The following SEC31B variants were observed in gnomAD, a reference collection of about 807,000 sequenced individuals.
SEC31B encodes protein transport protein Sec31B.
A neutral mutation model predicts 135.0 loss-of-function variants in SEC31B; 113 were observed. The ratio of observed to expected loss-of-function variants is 0.84; its 90% CI spans 0.72 to 0.98. SEC31B has a LOEUF of 0.98. SEC31B is among the 50% of genes least tolerant of loss of function. SEC31B has a pLI of 0.00. For synonymous variants in SEC31B, 508 were observed against 549.4 expected (o/e 0.92, Z 1.05); for missense variants, 1,296 against 1,421.1 (o/e 0.91, Z 1.42).
At position 100,490,116 on chromosome 10, in the gene SEC31B, G is replaced by A. The variant is rs1357609965; in HGVS notation, c.2857C>T (p.His953Tyr). ...AAGCTTGCAGGAGGGGCTGGGGTGT[G>A]GGAGACCATGCGGCCGGGACCTAGT... ...RPLGPGRMVS[H>Y]TPAPPASFPV... The change falls in exon 21 of 26, where the codon CAC becomes TAC. Residue 953 changes from histidine (H) to tyrosine (Y), a missense_variant. By Grantham distance (83) the His-to-Tyr change is moderately conservative. Coordinates refer to ENST00000370345, the MANE Select transcript of SEC31B (RefSeq NM_015490.4). 2 of 1,588,872 alleles carry A rather than the reference G, an allele frequency of 1.3e-6. No homozygotes were observed. The highest frequency in any genetic ancestry group is 1.7e-6 in the Non-Finnish European group (2 of 1,168,594).
rs1354266428 is a variant in SEC31B, at chr10:100,498,669, A to G, written c.1684+36T>C. The G allele has an allele frequency of 5.9e-6, 9 of 1,516,776 alleles. No individual in the cohort carries two copies. In the East Asian group the frequency reaches 6.7e-5, roughly 11 times the overall value. 94.0% of individuals were successfully genotyped at this position (1,516,776 alleles called of 1,614,324 possible). ...AAACCTCCGTGCCCACCTAGTCCTA[A>G]GCAGAGACTCTCCCTCTCCCTCAGG... On this transcript the variant is annotated intron_variant, in intron 14 of 25. Coordinates refer to ENST00000370345, the MANE Select transcript of SEC31B (RefSeq NM_015490.4).
Position 100,509,499 on chromosome 10 carries a change from C to G in SEC31B, c.216G>C (p.Leu72=), listed in dbSNP as rs755701561. The change falls in exon 4 of 26, where the codon CTG becomes CTC. Residue 72 remains leucine (L), a synonymous_variant. Transcript: ENST00000370345. ...VLSALSRFHK[L]VWGSFGSGLL... ...GCCCACTGCCAAAGCTCCCCCAGACCAGCTTGTGAAACCTATAAAGAGGAG... is the reference window on the plus strand; with the variant it reads ...GCCCACTGCCAAAGCTCCCCCAGACGAGCTTGTGAAACCTATAAAGAGGAG... The G allele has an allele frequency of 1.9e-6, 3 of 1,612,144 alleles. No homozygotes were observed. Among genetic ancestry groups the G allele is most frequent in the South Asian group, 1.1e-5 (1 of 90,974 alleles).
intron 1 of SEC31B, among the ~76,000 whole-genome samples, chr10:100,517,289 AC>A (rs1851868404): frequency 1.3e-5 from 2 of 152,330 alleles, no homozygotes; most frequent in South Asian, 4.1e-4. Flanking sequence ...TTTAAATAGC[AC>A]CCATATGCTG....
At chr10:100,505,301 C>A (rs1323257826) in intron 10 of SEC31B, 60 bp downstream of exon 10, 2 of 232,382 alleles carry the variant, frequency 8.6e-6, no homozygotes, top group South Asian at 1.1e-4. Flanking sequence ...GCTTCACAAA[C>A]ACACACACAC....
chr10:100,503,741 CTTTT>C (rs536397983), intron 10 of SEC31B, among the ~76,000 whole-genome samples: 1 of 145,342 alleles, frequency 6.9e-6, no homozygotes, highest in Admixed American at 6.9e-5. Context: ...TGGCCGACAA[CTTTT>C]TTTTTTTTTT....
At chr10:100,510,080 T>C (rs1851712000) in intron 3 of SEC31B, among the ~76,000 whole-genome samples, 1 of 152,260 alleles carries the variant, frequency 6.6e-6, no homozygotes, top group African/African-American at 2.4e-5. Flanking sequence ...TTAGGATAAA[T>C]GCTAGGAAGT....
Position 100,487,324 on chromosome 10 carries a change from A to C in SEC31B, c.*292T>G. ...TTAAATAGAAGATCCCTGGGGGAGA[A>C]GATATCCTGCCCCAGGTCCTTACAG... On this transcript the variant is annotated 3_prime_UTR_variant, in exon 26 of 26. Coordinates refer to ENST00000370345, the MANE Select transcript of SEC31B (RefSeq NM_015490.4). 2.7e-6 allele frequency: 1 copy of C among 367,160 alleles called. No homozygotes were observed. The highest frequency in any genetic ancestry group is 5.0e-6 in the Non-Finnish European group (1 of 200,654). 22.7% of individuals were successfully genotyped at this position (367,160 alleles called of 1,614,324 possible).
intron 3 of SEC31B, among the ~76,000 whole-genome samples, chr10:100,513,572 C>T (rs1021137011): frequency 6.6e-5 from 10 of 151,988 alleles, no homozygotes; most frequent in Non-Finnish European, 1.3e-4. Flanking sequence ...CACGTGCAAG[C>T]GATTCTGGTG....
At chr10:100,517,059 C>G in intron 1 of SEC31B, 62 bp from the exon 2 acceptor site, 1 of 782,536 alleles carries the variant, frequency 1.3e-6, no homozygotes, top group Non-Finnish European at 2.2e-6. Flanking sequence ...GACAAGAGTT[C>G]TTGTTTGTCT....
Position 100,516,113 on chromosome 10 carries a change from G to A in SEC31B, c.186C>T (p.Val62=). 1 of 1,614,022 alleles carries A rather than the reference G, an allele frequency of 6.2e-7. No individual in the cohort carries two copies. Among genetic ancestry groups the A allele is most frequent in the African/African-American group, 1.3e-5 (1 of 75,008 alleles). Residue 62 remains valine (V), a synonymous_variant, in exon 3 of 26, where the codon GTC becomes GTT. Coordinates refer to ENST00000370345, the MANE Select transcript of SEC31B (RefSeq NM_015490.4). ...DPSLDLKHRG[V]LSALSRFHKL... The stretch of plus-strand genomic sequence containing the variant: ...GACAATACCTGCTCAAGGCAGAAAG[G>A]ACTCCTCTGTGTTTCAAGTCCAGAG...
At chr10:100,515,700 T>C (rs1851822668) in intron 3 of SEC31B, among the ~76,000 whole-genome samples, 1 of 152,192 alleles carries the variant, frequency 6.6e-6, no homozygotes, top group Non-Finnish European at 1.5e-5. Flanking sequence ...AACCAATCAG[T>C]GTCTAAAAGC....
At position 100,509,572 on chromosome 10, in the gene SEC31B, G is replaced by A. The variant is rs570434458; in HGVS notation, c.204-61C>T. 1.8e-5 allele frequency: 24 copies of A among 1,354,096 alleles called. No individual in the cohort carries two copies. In the African/African-American group the frequency reaches 3.2e-4, roughly 18 times the overall value. The allele number at this position is 1,354,096 out of a possible 1,614,324, so 83.9% of individuals were successfully genotyped here. The stretch of plus-strand genomic sequence containing the variant: ...AGGTTCATGTCAGTAAGCACAGGAT[G>A]GGCATCTCTGTCAGCTTCTGCCATT... On this transcript the variant is annotated intron_variant, in intron 3 of 25. Transcript: ENST00000370345.
chr10:100,489,843 T>C (rs1851265863), intron 21 of SEC31B, 82 bp from the exon 22 acceptor site: 1 of 1,600,956 alleles, frequency 6.2e-7, no homozygotes, highest in South Asian at 1.1e-5. Context: ...GAAGCATTCT[T>C]TGAGTTGGAG....
intron 10 of SEC31B, among the ~76,000 whole-genome samples, chr10:100,504,291 G>C (rs138936186): frequency 1.6e-3 from 246 of 152,266 alleles, no homozygotes; most frequent in African/African-American, 5.4e-3. Flanking sequence ...TGCCTCCCCA[G>C]TAAAACCGTT....
Position 100,505,483 on chromosome 10 carries a change from A to G in SEC31B, c.1057T>C (p.Phe353Leu). 6.5e-7 allele frequency: 1 copy of G among 1,547,588 alleles called. No individual in the cohort carries two copies. The stretch of plus-strand genomic sequence containing the variant: ...GGTGGGAGAGGCTGGCCTTTGCTGA[A>G]GGAAGAGGAGATCTGGGGGGAAAAG... ...MRQADKISSS[F>L]SKGQPLPPLQ... The change falls in exon 10 of 26, where the codon TTC (phenylalanine) becomes CTC (leucine). Residue 353 changes from phenylalanine (F) to leucine (L), a missense_variant. Transcript: ENST00000370345.
chr10:100,500,072 G>A, intron 11 of SEC31B: 1 of 456,830 alleles, frequency 2.2e-6, no homozygotes, highest in Non-Finnish European at 4.4e-6. Context: ...ATTGGCTCTT[G>A]TGGGCAAGAA....
intron 10 of SEC31B, among the ~76,000 whole-genome samples, chr10:100,505,154 G>A (rs908547897): frequency 3.3e-5 from 5 of 152,170 alleles, no homozygotes; most frequent in Non-Finnish European, 7.4e-5. Flanking sequence ...ACTGGCAGAA[G>A]ATATAGAATG....
chr10:100,519,204 G>A lies in SEC31B; in HGVS notation c.-46+578C>T, dbSNP rs376187878. On this transcript the variant is annotated intron_variant, in intron 1 of 25. Coordinates refer to ENST00000370345, the MANE Select transcript of SEC31B (RefSeq NM_015490.4). ...AGTGTTTTAATCGCTGACAGTCTAG[G>A]AACTGGGAAAATGGGCTCTTAATTC... Among the ~76,000 whole-genome samples, 18 of 152,346 alleles carry A rather than the reference G, an allele frequency of 1.2e-4. No homozygotes were observed. In the South Asian group the frequency reaches 3.7e-3, roughly 32 times the overall value.
chr10:100,516,617 C>G (rs1231196468), intron 2 of SEC31B, among the ~76,000 whole-genome samples: 2 of 145,646 alleles, frequency 1.4e-5, no homozygotes, highest in East Asian at 4.0e-4. Flanking sequence ...CCACTGCACT[C>G]CAGCCTGAGC....
Sources: gnomAD v4.1 joint callset for allele counts (sites outside exome capture counted in the v4.1 genomes callset) on GRCh38, gnomAD v4.1.1 for gene constraint, MANE v1.5 for transcripts, NCBI Gene and HGNC (gene_info 2026-07-23, HGNC 2026-07-21) for gene names.